The following KHDRBS2 variants were observed in gnomAD, a reference collection of about 807,000 sequenced individuals.
KHDRBS2 encodes KH domain-containing, RNA-binding, signal transduction-associated protein 2.
A neutral mutation model predicts 44.3 loss-of-function variants in KHDRBS2; 26 were observed. That is an observed-to-expected ratio of 0.59 (90% CI 0.43 to 0.81). The LOEUF (loss-of-function observed/expected upper bound fraction) is 0.81, where lower values mean the gene tolerates loss of function less well. Ranked by LOEUF, KHDRBS2 falls within the 40% of genes least tolerant of loss-of-function variation. The pLI is 0.00. For missense variants in KHDRBS2, 476 were observed against 433.1 expected, an observed-to-expected ratio of 1.10 and a Z score of -0.88; for synonymous variants, 194 against 151.1, an observed-to-expected ratio of 1.28 and a Z score of -2.08.
intron 5 of KHDRBS2, among the ~76,000 whole-genome samples, chr6:61,895,507 T>G (rs1392906578): frequency 6.6e-6 from 1 of 152,146 alleles, no homozygotes; most frequent in African/African-American, 2.4e-5. Context: ...TAACCATAAC[T>G]ATGGTGTTAG....
At chr6:62,177,060 G>A in intron 2 of KHDRBS2, 125 bp downstream of exon 2, 1 of 531,916 alleles carries the variant, frequency 1.9e-6, no homozygotes. Context: ...TCAGTATCAT[G>A]TGCTTGCATA....
intron 6 of KHDRBS2, 79 bp downstream of exon 6, chr6:61,894,556 T>G: frequency 8.7e-7 from 1 of 1,145,500 alleles, no homozygotes; most frequent in Non-Finnish European, 1.3e-6. Context: ...ATATTCACGG[T>G]ATATGAACAG....
At position 61,848,572 on chromosome 6, in the gene KHDRBS2, T is replaced by C. The variant is rs1409710995; in HGVS notation, c.810+46063A>G. On this transcript the variant is annotated intron_variant, in intron 6 of 8. Transcript: ENST00000281156. Reference sequence around the variant, plus strand: ...ATATACATATATATATGTATATATATATACATATATATATATATATACTTT... The same window carrying C: ...ATATACATATATATATGTATATATACATACATATATATATATATATACTTT... Among the ~76,000 whole-genome samples the C allele has an allele frequency of 2.8e-5, 2 of 71,002 alleles. 1 individual carries two copies. Among genetic ancestry groups the C allele is most frequent in the African/African-American group, 1.2e-4 (2 of 16,458 alleles). 46.6% of individuals were successfully genotyped at this position (71,002 alleles called of 152,430 possible). A position where few individuals can be genotyped will look rare whatever the true frequency, so the allele number is the denominator to read the frequency against.
intron 2 of KHDRBS2, among the ~76,000 whole-genome samples, chr6:62,106,160 T>C (rs1204715955): frequency 1.2e-4 from 19 of 152,296 alleles, no homozygotes; most frequent in Non-Finnish European, 2.2e-4. Flanking sequence ...TTATAATTTC[T>C]GTTCTTTTAC....
the KHDRBS2 span, among the ~76,000 whole-genome samples, chr6:61,596,209 C>G: frequency 1.3e-5 from 2 of 152,038 alleles, no homozygotes; most frequent in Non-Finnish European, 2.9e-5. Context: ...AGCAGGCAGC[C>G]CTTACAGCTT....
chr6:62,068,548 G>T (rs1271582580), intron 2 of KHDRBS2, among the ~76,000 whole-genome samples: 1 of 151,160 alleles, frequency 6.6e-6, no homozygotes, highest in East Asian at 2.0e-4. Flanking sequence ...TGTTGCTTGT[G>T]ATTTTGATGT....
intron 1 of KHDRBS2, among the ~76,000 whole-genome samples, chr6:62,199,215 A>T (rs1158582405): frequency 6.6e-6 from 1 of 152,142 alleles, no homozygotes; most frequent in Admixed American, 6.5e-5. Context: ...CCTATTCAAC[A>T]TAGTGTTGGA....
chr6:61,594,082 C>T, the KHDRBS2 span, among the ~76,000 whole-genome samples: 1 of 152,050 alleles, frequency 6.6e-6, no homozygotes, highest in Admixed American at 6.5e-5. Context: ...TAATCCCAAA[C>T]AATTTACAAA....
At chr6:61,860,282 T>C (rs529305216) in intron 6 of KHDRBS2, among the ~76,000 whole-genome samples, 1 of 152,086 alleles carries the variant, frequency 6.6e-6, no homozygotes, top group South Asian at 2.1e-4. Flanking sequence ...TGTGTGTGTG[T>C]CATGGGGGTT....
chr6:62,223,065 GC>G (rs1831165472), intron 1 of KHDRBS2, among the ~76,000 whole-genome samples: 1 of 152,160 alleles, frequency 6.6e-6, no homozygotes. Context: ...GAGTGGGAGT[GC>G]CAACTCCACA....
intron 1 of KHDRBS2, among the ~76,000 whole-genome samples, chr6:62,221,004 A>T (rs531401807): frequency 1.3e-5 from 2 of 152,078 alleles, no homozygotes; most frequent in East Asian, 3.9e-4. Context: ...CCTTGTAAAG[A>T]TATCTGCATT....
intron 6 of KHDRBS2, among the ~76,000 whole-genome samples, chr6:61,864,032 G>A (rs563924372): frequency 2.4e-4 from 37 of 152,196 alleles, no homozygotes; most frequent in African/African-American, 8.7e-4. Flanking sequence ...ACTCCTTACT[G>A]TTATGTAATT....
At chr6:61,567,371 T>C in the KHDRBS2 span, among the ~76,000 whole-genome samples, 2 of 152,196 alleles carry the variant, frequency 1.3e-5, no homozygotes, top group Middle Eastern at 3.2e-3. Flanking sequence ...CAAAGATAAA[T>C]GTAAAATACA....
At chr6:62,052,399 A>G (rs1789266336) in intron 2 of KHDRBS2, among the ~76,000 whole-genome samples, 1 of 151,940 alleles carries the variant, frequency 6.6e-6, no homozygotes, top group Non-Finnish European at 1.5e-5. Context: ...GGATGATCTC[A>G]TTTATATATG....
chr6:61,594,516 G>A, the KHDRBS2 span, among the ~76,000 whole-genome samples: 1 of 152,060 alleles, frequency 6.6e-6, no homozygotes, highest in Non-Finnish European at 1.5e-5. Flanking sequence ...TCAGAAGAAA[G>A]CAATTTACTG....
intron 6 of KHDRBS2, among the ~76,000 whole-genome samples, chr6:61,865,491 A>T (rs1474562821): frequency 1.3e-5 from 2 of 152,066 alleles, no homozygotes; most frequent in Non-Finnish European, 2.9e-5. Flanking sequence ...AAACTTATTC[A>T]CTGTCACAAA....
intron 8 of KHDRBS2, among the ~76,000 whole-genome samples, chr6:61,687,608 T>A: frequency 6.6e-6 from 1 of 152,040 alleles, no homozygotes; most frequent in Non-Finnish European, 1.5e-5. Flanking sequence ...GATTCCTTTC[T>A]GCAATCTTAA....
chr6:61,554,299 T>A, the KHDRBS2 span, among the ~76,000 whole-genome samples: 1 of 152,182 alleles, frequency 6.6e-6, no homozygotes, highest in Non-Finnish European at 1.5e-5. Flanking sequence ...GTTTAAAGTC[T>A]GTTTTATCTG....
chr6:61,722,945 G>A (rs796899888), intron 7 of KHDRBS2, among the ~76,000 whole-genome samples: 25 of 152,112 alleles, frequency 1.6e-4, no homozygotes, highest in African/African-American at 4.3e-4. Context: ...TCCTCACCTC[G>A]TGATCTGCTG....
Sources: gnomAD v4.1 joint callset for allele counts (sites outside exome capture counted in the v4.1 genomes callset) on GRCh38, gnomAD v4.1.1 for gene constraint, MANE v1.5 for transcripts, NCBI Gene and HGNC (gene_info 2026-07-23, HGNC 2026-07-21) for gene names.